The following GPATCH2L variants were observed in gnomAD, a reference collection of about 807,000 sequenced individuals.
GPATCH2L encodes the protein G patch domain-containing protein 2-like.
GPATCH2L carries 31 observed loss-of-function variants against 57.4 expected under a neutral mutation model. The ratio of observed to expected loss-of-function variants is 0.54; its 90% CI spans 0.41 to 0.73. GPATCH2L has a LOEUF of 0.73. Among genes scored for constraint, GPATCH2L ranks in the 30% least tolerant of loss-of-function variants. The pLI, the probability that GPATCH2L is intolerant of heterozygous loss-of-function variation, is 0.00. For synonymous variants in GPATCH2L, 199 were observed against 210.7 expected (o/e 0.94, Z 0.48); for missense variants, 481 against 599.9 (o/e 0.80, Z 2.07).
chr14:76,193,650 A>G (rs574741841), intron 8 of GPATCH2L, among the ~76,000 whole-genome samples: 1 of 152,316 alleles, frequency 6.6e-6, no homozygotes, highest in East Asian at 1.9e-4. Context: ...GTTATCAGAA[A>G]GAACCCCAGA....
chr14:76,199,472 A>G (rs921358102), intron 9 of GPATCH2L, among the ~76,000 whole-genome samples: 4 of 152,172 alleles, frequency 2.6e-5, no homozygotes, highest in African/African-American at 7.2e-5. Context: ...ACTGCCATGT[A>G]TGTGGTATTC....
At chr14:76,215,863 A>G (rs552396156), downstream of GPATCH2L, among the ~76,000 whole-genome samples, 2,160 of 149,922 alleles carry the variant, frequency 0.014, 23 homozygotes, top group South Asian at 0.043. Context: ...ACATGTATAC[A>G]TATGTAACCT....
intron 5 of GPATCH2L, 172 bp from the exon 6 acceptor site, chr14:76,176,451 A>G: frequency 1.6e-6 from 1 of 607,880 alleles, no homozygotes; most frequent in Non-Finnish European, 2.9e-6. Context: ...TAATACTTTT[A>G]AGATGGATTC....
chr14:76,190,330 A>G (rs905765666), intron 8 of GPATCH2L, among the ~76,000 whole-genome samples: 2 of 152,116 alleles, frequency 1.3e-5, no homozygotes, highest in Non-Finnish European at 2.9e-5. Flanking sequence ...TAACAATTTA[A>G]TGACTTTTTC....
chr14:76,199,887 A>T (rs1293174361), intron 9 of GPATCH2L, among the ~76,000 whole-genome samples: 1 of 152,224 alleles, frequency 6.6e-6, no homozygotes, highest in Non-Finnish European at 1.5e-5. Context: ...CAGCAGCATT[A>T]TTCACAGTCG....
At chr14:76,232,888 C>T (rs2139886582) in intron 2 of GPATCH2L, among the ~76,000 whole-genome samples, 1 of 152,342 alleles carries the variant, frequency 6.6e-6, no homozygotes, top group African/African-American at 2.4e-5. Context: ...TGCAGCTGCT[C>T]TTTAGTCTCC....
chr14:76,187,647 A>G, intron 8 of GPATCH2L, among the ~76,000 whole-genome samples: 1 of 152,120 alleles, frequency 6.6e-6, no homozygotes, highest in East Asian at 1.9e-4. Flanking sequence ...GGTTTGATAT[A>G]GGCATGTAAT....
chr14:76,201,569 T>C, intron 9 of GPATCH2L, 122 bp from the exon 10 acceptor site: 1 of 564,246 alleles, frequency 1.8e-6, no homozygotes, highest in Non-Finnish European at 2.9e-6. Context: ...CCACTTGGGT[T>C]ACTAGGACAT....
At chr14:76,172,048 T>A in intron 4 of GPATCH2L, 29 bp downstream of exon 4, 1 of 1,481,982 alleles carries the variant, frequency 6.7e-7, no homozygotes, top group Non-Finnish European at 9.2e-7. Context: ...AAGAACTTAA[T>A]GCTTTTATGG....
chr14:76,188,787 T>C (rs1238738128), intron 8 of GPATCH2L, among the ~76,000 whole-genome samples: 1 of 152,120 alleles, frequency 6.6e-6, no homozygotes, highest in Non-Finnish European at 1.5e-5. Context: ...CCCAGACGAA[T>C]GTCCTGGAGA....
At position 76,212,377 on chromosome 14, in the gene GPATCH2L, G is replaced by A. The variant is rs534221459; in HGVS notation, c.*10526G>A. On this transcript the variant is annotated 3_prime_UTR_variant, in exon 10 of 10. Transcript: ENST00000261530. ...AGTTGTAGTCTGCATATCAGGCAAG[G>A]TTGAACTTAGGGAAAAGGAACCGGA... is the stretch of plus-strand genomic sequence containing the variant. The A allele has an allele frequency of 2.6e-5, 4 of 151,366 alleles. No individual in the cohort carries two copies. The East Asian group carries it at 7.8e-4, about 30-fold the overall frequency. The allele number at this position is 151,366 out of a possible 1,614,324, so 9.4% of individuals were successfully genotyped here.
intron 2 of GPATCH2L, among the ~76,000 whole-genome samples, chr14:76,164,409 T>C (rs2038736324): frequency 6.6e-6 from 1 of 152,180 alleles, no homozygotes; most frequent in East Asian, 1.9e-4. Flanking sequence ...CTTCAAATCA[T>C]GAGTATCAAA....
intron 9 of GPATCH2L, chr14:76,196,659 A>G (rs2040164023): frequency 6.6e-6 from 1 of 152,272 alleles, no homozygotes; most frequent in African/African-American, 2.4e-5. Context: ...TGTGTATGTT[A>G]TCCTTCAATG....
At chr14:76,216,129 G>T (rs1227478392), downstream of GPATCH2L, among the ~76,000 whole-genome samples, 1 of 150,844 alleles carries the variant, frequency 6.6e-6, no homozygotes, top group African/African-American at 2.4e-5. Flanking sequence ...GACCCTCCAA[G>T]TGCTACCCTT....
intron 1 of GPATCH2L, among the ~76,000 whole-genome samples, chr14:76,228,362 T>C (rs145170450): frequency 1.4e-3 from 216 of 152,284 alleles, no homozygotes; most frequent in African/African-American, 4.5e-3. Context: ...TGCGCGCGCG[T>C]GTGTGTGTAC....
chr14:76,152,423 AT>A, intron 1 of GPATCH2L: 1 of 292,342 alleles, frequency 3.4e-6, no homozygotes, highest in South Asian at 3.0e-5. Flanking sequence ...AGAAGAGCCG[AT>A]CCCCGCCCCT....
intron 2 of GPATCH2L, among the ~76,000 whole-genome samples, chr14:76,161,898 T>C (rs1021303758): frequency 1.3e-5 from 2 of 152,078 alleles, no homozygotes; most frequent in South Asian, 4.2e-4. Flanking sequence ...TAGCCAGGCG[T>C]GGTAGCACAG....
At chr14:76,182,360 A>ATAG (rs2039595876) in intron 8 of GPATCH2L, among the ~76,000 whole-genome samples, 1 of 108,252 alleles carries the variant, frequency 9.2e-6, no homozygotes, top group Non-Finnish European at 1.9e-5. Flanking sequence ...CCGTCTCAGA[A>ATAG]AAGAAAAAAA....
intron 8 of GPATCH2L, among the ~76,000 whole-genome samples, chr14:76,183,994 A>G (rs2039670367): frequency 6.6e-6 from 1 of 150,834 alleles, no homozygotes; most frequent in Non-Finnish European, 1.5e-5. Context: ...CCTGGGCAGC[A>G]TTGGAAATTT....
Sources: gnomAD v4.1 joint callset for allele counts (sites outside exome capture counted in the v4.1 genomes callset) on GRCh38, gnomAD v4.1.1 for gene constraint, MANE v1.5 for transcripts, NCBI Gene and HGNC (gene_info 2026-07-23, HGNC 2026-07-21) for gene names.